IGSF11: variants seen among roughly 807,000 people sequenced by gnomAD.
The protein encoded by IGSF11 is CXADR like 1.
A neutral mutation model predicts 41.0 loss-of-function variants in IGSF11; 22 were observed. The ratio of observed to expected loss-of-function variants is 0.54; its 90% CI spans 0.38 to 0.77. The LOEUF is 0.77. Ranked by LOEUF, IGSF11 falls within the 30% of genes least tolerant of loss-of-function variation. IGSF11 has a pLI of 0.00. For missense variants in IGSF11, 444 were observed against 530.8 expected, an observed-to-expected ratio of 0.84 and a Z score of 1.61; for synonymous variants, 219 against 201.3, an observed-to-expected ratio of 1.09 and a Z score of -0.74.
chr3:119,084,237 G>A (rs2076633793), intron 1 of IGSF11, among the ~76,000 whole-genome samples: 1 of 152,090 alleles, frequency 6.6e-6, no homozygotes, highest in Non-Finnish European at 1.5e-5. Flanking sequence ...TGTGGAAGGT[G>A]AAAAGGCACA....
intron 1 of IGSF11, among the ~76,000 whole-genome samples, chr3:119,022,134 A>G (rs7623832): frequency 0.028 from 4,211 of 152,264 alleles, 177 homozygotes; most frequent in African/African-American, 0.096. Flanking sequence ...CTACAACATG[A>G]ATGAACCTTG....
At chr3:118,968,514 T>TATATCC (rs1401712335) in intron 1 of IGSF11, among the ~76,000 whole-genome samples, 2 of 152,312 alleles carry the variant, frequency 1.3e-5, no homozygotes, top group African/African-American at 4.8e-5. Context: ...TATCCAAGCA[T>TATATCC]ATAAATGAAA....
At chr3:119,096,784 C>T (rs2076858551) in intron 1 of IGSF11, among the ~76,000 whole-genome samples, 1 of 152,164 alleles carries the variant, frequency 6.6e-6, no homozygotes, top group African/African-American at 2.4e-5. Context: ...CAAATAGTAA[C>T]TTTCTCTCTC....
intron 4 of IGSF11, among the ~76,000 whole-genome samples, chr3:118,913,894 A>G (rs1216036817): frequency 6.6e-6 from 1 of 152,262 alleles, no homozygotes; most frequent in Non-Finnish European, 1.5e-5. Context: ...AATTAAACAT[A>G]TCAGACAGAA....
Position 118,987,982 on chromosome 3 carries a change from T to G in IGSF11, c.52+46549A>C, listed in dbSNP as rs114197362. 1.4e-3 allele frequency among the ~76,000 whole-genome samples: 211 copies of G among 152,320 alleles called. 2 individuals carry two copies. Among genetic ancestry groups the G allele is most frequent in the African/African-American group, 4.9e-3 (204 of 41,574 alleles). On this transcript the variant is annotated intron_variant, in intron 1 of 6. Coordinates refer to ENST00000393775, the MANE Select transcript of IGSF11 (RefSeq NM_001015887.3). Reference sequence around the variant, plus strand: ...AGTTCTGTAATATATTAATTGGATATCAATATGCAACCAATCCAAGTTTTC... The same window carrying G: ...AGTTCTGTAATATATTAATTGGATAGCAATATGCAACCAATCCAAGTTTTC...
At chr3:119,027,151 T>A (rs756764228) in intron 1 of IGSF11, among the ~76,000 whole-genome samples, 1 of 152,240 alleles carries the variant, frequency 6.6e-6, no homozygotes, top group South Asian at 2.1e-4. Flanking sequence ...GATCAATGCA[T>A]AGATTTATGA....
chr3:118,965,743 T>A (rs1445962771), intron 1 of IGSF11, among the ~76,000 whole-genome samples: 4 of 152,174 alleles, frequency 2.6e-5, no homozygotes, highest in Non-Finnish European at 4.4e-5. Flanking sequence ...AGGGTAATTT[T>A]AATTTTCTTC....
chr3:118,962,273 A>C (rs1352183925), intron 1 of IGSF11, among the ~76,000 whole-genome samples: 2 of 152,156 alleles, frequency 1.3e-5, no homozygotes, highest in African/African-American at 4.8e-5. Context: ...TCTTTTGTCA[A>C]TTATTATATT....
rs1491294473 is a variant in IGSF11 at position 119,094,223 on chromosome 3, T to TTAAAAAAAAAAAAAAA, written c.49+10920_49+10921insTTTTTTTTTTTTTTTA. On this transcript the variant is annotated intron_variant, in intron 1 of 6. Transcript: ENST00000354673. ...TGGAAAGAAGGACTACATAGCGAAG[T>TTAAAAAAAAAAAAAAA]AAAAAAAAAAAAAAAAAAAAAAAAA... Among the ~76,000 whole-genome samples the TTAAAAAAAAAAAAAAA allele has an allele frequency of 1.2e-3, 42 of 35,074 alleles. 1 individual carries two copies. Among genetic ancestry groups the TTAAAAAAAAAAAAAAA allele is most frequent in the Non-Finnish European group, 1.8e-3 (31 of 17,692 alleles). The allele number at this position is 35,074 out of a possible 152,430, so 23.0% of individuals were successfully genotyped here.
At chr3:118,984,967 T>C (rs557050465) in intron 1 of IGSF11, among the ~76,000 whole-genome samples, 24 of 152,282 alleles carry the variant, frequency 1.6e-4, no homozygotes, top group African/African-American at 5.5e-4. Flanking sequence ...TAAGAAGCCA[T>C]TGCCACCAAG....
At chr3:119,063,343 T>A (rs1195812958) in intron 1 of IGSF11, among the ~76,000 whole-genome samples, 2 of 152,222 alleles carry the variant, frequency 1.3e-5, no homozygotes, top group Non-Finnish European at 2.9e-5. Flanking sequence ...GGAAAGTGGA[T>A]AATTTTTGGA....
intron 1 of IGSF11, among the ~76,000 whole-genome samples, chr3:119,032,714 C>A (rs559589628): frequency 6.6e-6 from 1 of 152,210 alleles, no homozygotes; most frequent in Non-Finnish European, 1.5e-5. Context: ...AAAAAGTAAA[C>A]TTTTCCAAGA....
intron 1 of IGSF11, among the ~76,000 whole-genome samples, chr3:118,948,814 T>TA (rs200343984): frequency 0.029 from 4,307 of 149,230 alleles, 132 homozygotes; most frequent in Admixed American, 0.07. Flanking sequence ...AAATAAAAAA[T>TA]AAAAAAAAAT....
intron 1 of IGSF11, among the ~76,000 whole-genome samples, chr3:119,142,051 G>A (rs972145700): frequency 1.3e-5 from 2 of 151,988 alleles, no homozygotes; most frequent in African/African-American, 4.8e-5. Flanking sequence ...CGAGGAGGAC[G>A]GATCACGAGG....
chr3:118,912,122 T>G (rs1940397965), intron 4 of IGSF11, among the ~76,000 whole-genome samples: 1 of 152,248 alleles, frequency 6.6e-6, no homozygotes, highest in Non-Finnish European at 1.5e-5. Context: ...AAAGAATGGA[T>G]AGAAAATGAA....
intron 4 of IGSF11, among the ~76,000 whole-genome samples, chr3:118,911,230 T>C (rs1274661045): frequency 6.6e-6 from 1 of 151,790 alleles, no homozygotes; most frequent in Non-Finnish European, 1.5e-5. Context: ...GAACACTATA[T>C]GGGGTTTGCT....
At chr3:118,917,873 A>C (rs1234924490) in intron 4 of IGSF11, among the ~76,000 whole-genome samples, 1 of 141,424 alleles carries the variant, frequency 7.1e-6, no homozygotes, top group Non-Finnish European at 1.5e-5. Flanking sequence ...ATACTGGCAA[A>C]CCGAATCCAG....
intron 4 of IGSF11, 72 bp from the exon 5 acceptor site, chr3:118,905,790 C>A: frequency 6.4e-7 from 1 of 1,551,738 alleles, no homozygotes; most frequent in Non-Finnish European, 8.8e-7. Context: ...CAGCGGAAGA[C>A]CATAAAAACA....
At chr3:118,968,325 G>A (rs1407469215) in intron 1 of IGSF11, among the ~76,000 whole-genome samples, 2 of 152,066 alleles carry the variant, frequency 1.3e-5, no homozygotes, top group African/African-American at 4.8e-5. Flanking sequence ...TAGGTCTCTT[G>A]CCTGCTTTGG....
Sources: gnomAD v4.1 joint callset for allele counts (sites outside exome capture counted in the v4.1 genomes callset) on GRCh38, gnomAD v4.1.1 for gene constraint, MANE v1.5 for transcripts, NCBI Gene and HGNC (gene_info 2026-07-23, HGNC 2026-07-21) for gene names.